SLC24A3: variants seen among roughly 807,000 people sequenced by gnomAD.
The protein encoded by SLC24A3 is solute carrier family 24 member 3, also known as sodium/potassium/calcium exchanger 3.
Under a neutral mutation model 75.8 loss-of-function variants are expected in SLC24A3, and 28 were observed. The observed-to-expected ratio is 0.37, with a 90% CI of 0.27 to 0.51. The LOEUF (loss-of-function observed/expected upper bound fraction) is 0.51, where lower values mean the gene tolerates loss of function less well. Among genes scored for constraint, SLC24A3 ranks in the 20% least tolerant of loss-of-function variants. The probability of loss-of-function intolerance (pLI) is 0.94; values close to 1 mark genes in which losing one functional copy is unlikely to be tolerated. For missense variants in SLC24A3, 663 were observed against 847.8 expected (o/e 0.78, Z 2.71); for synonymous variants, 372 against 334.1 (o/e 1.11, Z -1.24).
chr20:19,573,018 C>T (rs2031077689), intron 3 of SLC24A3, among the ~76,000 whole-genome samples: 1 of 152,146 alleles, frequency 6.6e-6, no homozygotes, highest in Non-Finnish European at 1.5e-5. Context: ...AGATTTAGAA[C>T]AATTTCCACC....
At chr20:19,306,588 A>G (rs564277975) in intron 2 of SLC24A3, among the ~76,000 whole-genome samples, 32 of 152,322 alleles carry the variant, frequency 2.1e-4, no homozygotes, top group East Asian at 3.9e-4. Context: ...TCCTAAGTGA[A>G]TTATCGCAAG....
rs141609276 is a variant in SLC24A3, at chr20:19,679,666, G to A, written c.768-2192G>A. Among the ~76,000 whole-genome samples the A allele has an allele frequency of 7.1e-3, 1,083 of 152,236 alleles. 12 individuals carry two copies. Among genetic ancestry groups the A allele is most frequent in the African/African-American group, 0.025 (1,020 of 41,540 alleles). On this transcript the variant is annotated intron_variant, in intron 9 of 16. Transcript: ENST00000328041. ...TTTTCTTTAACATAACCACATTATC[G>A]TCATACGTAAAATTAATACTAATTC...
intron 11 of SLC24A3, among the ~76,000 whole-genome samples, chr20:19,684,883 T>G (rs1380051356): frequency 6.6e-6 from 1 of 152,208 alleles, no homozygotes; most frequent in Non-Finnish European, 1.5e-5. Context: ...TAAAGGGATT[T>G]GCAAGTTCTG....
At chr20:19,578,119 A>G (rs1021535647) in intron 3 of SLC24A3, among the ~76,000 whole-genome samples, 3 of 152,232 alleles carry the variant, frequency 2.0e-5, no homozygotes, top group Non-Finnish European at 4.4e-5. Context: ...GGGTTGCCAC[A>G]GAGGCTTCAT....
chr20:19,497,398 G>C (rs540830210), intron 2 of SLC24A3, among the ~76,000 whole-genome samples: 1 of 152,286 alleles, frequency 6.6e-6, no homozygotes, highest in South Asian at 2.1e-4. Context: ...ATGTCCTCCG[G>C]GGTCATGTTT....
At chr20:19,323,871 C>A (rs1013499843) in intron 2 of SLC24A3, among the ~76,000 whole-genome samples, 1 of 152,184 alleles carries the variant, frequency 6.6e-6, no homozygotes, top group African/African-American at 2.4e-5. Context: ...GATAGCTCTG[C>A]AAACCATTTA....
At chr20:19,630,392 G>T (rs1022324917) in intron 6 of SLC24A3, among the ~76,000 whole-genome samples, 2 of 152,176 alleles carry the variant, frequency 1.3e-5, no homozygotes, top group South Asian at 2.1e-4. Context: ...TGAGATATAT[G>T]AAATTAATTT....
At chr20:19,579,373 C>T (rs2031186683) in intron 3 of SLC24A3, among the ~76,000 whole-genome samples, 1 of 152,202 alleles carries the variant, frequency 6.6e-6, no homozygotes, top group African/African-American at 2.4e-5. Context: ...GCAAAGCTTT[C>T]CTGCAGGGAT....
At position 19,424,727 on chromosome 20, in the gene SLC24A3, TCAAAAAAAAAACAACAA is replaced by T. The variant is rs760127786; in HGVS notation, c.272-90749_272-90733del. Among the ~76,000 whole-genome samples, 452 of 29,596 alleles carry T rather than the reference TCAAAAAAAAAACAACAA, an allele frequency of 0.015. 6 individuals are homozygous for T. In the Middle Eastern group the frequency reaches 0.17, roughly 11 times the overall value. 19.4% of individuals were successfully genotyped at this position (29,596 alleles called of 152,430 possible). ...CTGGGCAACAGAGTGAGACCCTTTC[TCAAAAAAAAAACAACAA>T]CAAAAAAAAAAAAAAAAAAAAAAAA... On this transcript the variant is annotated intron_variant, in intron 2 of 16. Transcript: ENST00000328041.
At chr20:19,417,035 A>G (rs1986838698) in intron 2 of SLC24A3, among the ~76,000 whole-genome samples, 1 of 152,198 alleles carries the variant, frequency 6.6e-6, no homozygotes, top group Non-Finnish European at 1.5e-5. Flanking sequence ...AATTAGACAA[A>G]TGAAGGGTGA....
chr20:19,547,818 A>T (rs1278850856), intron 3 of SLC24A3, among the ~76,000 whole-genome samples: 1 of 152,202 alleles, frequency 6.6e-6, no homozygotes, highest in African/African-American at 2.4e-5. Flanking sequence ...AATAACCCTC[A>T]TCTCTGGTTG....
chr20:19,388,117 T>C (rs2122383935), intron 2 of SLC24A3, among the ~76,000 whole-genome samples: 1 of 152,308 alleles, frequency 6.6e-6, no homozygotes, highest in Admixed American at 6.5e-5. Flanking sequence ...ACGCTGTTAG[T>C]TATTTTAAAA....
intron 1 of SLC24A3, among the ~76,000 whole-genome samples, chr20:19,245,401 G>A (rs936214634): frequency 6.6e-6 from 1 of 152,094 alleles, no homozygotes; most frequent in African/African-American, 2.4e-5. Context: ...AAATATTTCA[G>A]ACTGTATAAA....
intron 1 of SLC24A3, among the ~76,000 whole-genome samples, chr20:19,262,126 G>A (rs1055425987): frequency 3.3e-5 from 5 of 152,310 alleles, no homozygotes; most frequent in Admixed American, 2.0e-4. Context: ...GAGAGAGGCC[G>A]GGCGCGGTGG....
At chr20:19,460,981 G>T (rs1305251124) in intron 2 of SLC24A3, among the ~76,000 whole-genome samples, 7 of 152,176 alleles carry the variant, frequency 4.6e-5, no homozygotes, top group African/African-American at 1.4e-4. Context: ...ACCAGGCTTT[G>T]GTTGTTTTAA....
intron 6 of SLC24A3, among the ~76,000 whole-genome samples, chr20:19,590,272 A>G (rs1460050666): frequency 1.3e-5 from 2 of 152,068 alleles, no homozygotes; most frequent in Non-Finnish European, 2.9e-5. Flanking sequence ...TGCTTCCACC[A>G]CAGATGGAGG....
chr20:19,279,665 G>A lies in SLC24A3; in HGVS notation c.143-1294G>A, dbSNP rs78069172. On this transcript the variant is annotated intron_variant, in intron 1 of 16. Transcript: ENST00000328041. ...TCCCTGGTGCCCCCTCTTCTCCACC[G>A]GGAGACCCCATTCATATATGTGCCT... 8.3e-3 allele frequency among the ~76,000 whole-genome samples: 1,269 copies of A among 152,082 alleles called. 19 individuals carry two copies. The highest frequency in any genetic ancestry group is 0.029 in the African/African-American group (1,216 of 41,486).
intron 2 of SLC24A3, among the ~76,000 whole-genome samples, chr20:19,456,131 G>A (rs934627582): frequency 6.6e-6 from 1 of 152,152 alleles, no homozygotes; most frequent in Non-Finnish European, 1.5e-5. Context: ...AAAGTTGAAG[G>A]AAAGACCCTT....
At chr20:19,354,157 C>T (rs982074935) in intron 2 of SLC24A3, among the ~76,000 whole-genome samples, 5 of 152,116 alleles carry the variant, frequency 3.3e-5, no homozygotes, top group South Asian at 2.1e-4. Context: ...ACCGCATGAA[C>T]GGACCTCACA....
Sources: allele counts gnomAD v4.1 joint callset (sites outside exome capture counted in the v4.1 genomes callset), GRCh38; gene constraint gnomAD v4.1.1; transcripts MANE v1.5; gene names NCBI Gene and HGNC (gene_info 2026-07-23, HGNC 2026-07-21).